The following CEP170 variants were observed in gnomAD, a reference collection of about 807,000 sequenced individuals.
CEP170 encodes centrosomal protein 170.
CEP170 carries 21 observed loss-of-function variants against 151.9 expected under a neutral mutation model. The ratio of observed to expected loss-of-function variants is 0.14; its 90% CI spans 0.10 to 0.20. The LOEUF (loss-of-function observed/expected upper bound fraction) is 0.20, where lower values mean the gene tolerates loss of function less well. Among genes scored for constraint, CEP170 ranks in the 10% least tolerant of loss-of-function variants. The pLI is 1.00. For missense variants in CEP170, 964 were observed against 1,892.9 expected, an observed-to-expected ratio of 0.51 and a Z score of 9.11; for synonymous variants, 356 against 648.8, an observed-to-expected ratio of 0.55 and a Z score of 6.86.
chr1:243,178,512 G>A (rs1410820741), intron 10 of CEP170, among the ~76,000 whole-genome samples: 1 of 152,012 alleles, frequency 6.6e-6, no homozygotes, highest in Non-Finnish European at 1.5e-5. Flanking sequence ...GGCTGGGAGA[G>A]GAAGGAATGG....
At chr1:243,212,660 A>T (rs2061915613) in intron 3 of CEP170, among the ~76,000 whole-genome samples, 1 of 149,648 alleles carries the variant, frequency 6.7e-6, no homozygotes. Flanking sequence ...AAATATTGTA[A>T]GCCACATTTA....
chr1:243,143,366 T>C (rs977977491), intron 14 of CEP170, among the ~76,000 whole-genome samples: 3 of 152,092 alleles, frequency 2.0e-5, no homozygotes, highest in Non-Finnish European at 4.4e-5. Context: ...CCTTTAGATG[T>C]AGCTAAGGCA....
chr1:243,226,195 CTAGATAT>C (rs1558646725), intron 1 of CEP170, among the ~76,000 whole-genome samples: 88 of 136,812 alleles, frequency 6.4e-4, no homozygotes, highest in African/African-American at 2.3e-3. Flanking sequence ...ATATATATAT[CTAGATAT>C]ATATATATCT....
chr1:243,152,062 C>T (rs575034256), intron 14 of CEP170, among the ~76,000 whole-genome samples: 87 of 152,252 alleles, frequency 5.7e-4, no homozygotes, highest in African/African-American at 1.9e-3. Flanking sequence ...ACTGTAGAGA[C>T]ATACTGCTCA....
chr1:243,154,498 C>G (rs2057384160), intron 14 of CEP170, among the ~76,000 whole-genome samples: 1 of 152,130 alleles, frequency 6.6e-6, no homozygotes, highest in African/African-American at 2.4e-5. Flanking sequence ...CCTTTTTTCT[C>G]CACATAAAAC....
intron 3 of CEP170, among the ~76,000 whole-genome samples, chr1:243,218,966 TAAAGTTCTAG>T (rs918193151): frequency 1.3e-5 from 2 of 152,188 alleles, no homozygotes; most frequent in African/African-American, 4.8e-5. Flanking sequence ...ACCTGATACT[TAAAGTTCTAG>T]AATAATATGG....
chr1:243,249,528 A>G (rs2065742612), intron 1 of CEP170, among the ~76,000 whole-genome samples: 1 of 152,224 alleles, frequency 6.6e-6, no homozygotes, highest in Non-Finnish European at 1.5e-5. Context: ...GTAACTCAGC[A>G]GATAAGATGT....
chr1:243,191,616 A>C (rs1407692424), intron 7 of CEP170, 122 bp from the exon 8 acceptor site: 10 of 625,418 alleles, frequency 1.6e-5, no homozygotes, highest in Non-Finnish European at 2.8e-5. Flanking sequence ...TCTGGATGAA[A>C]ACCAATGGCA....
At chr1:243,236,606 G>A (rs1002299026) in intron 1 of CEP170, among the ~76,000 whole-genome samples, 17 of 152,144 alleles carry the variant, frequency 1.1e-4, no homozygotes, top group Non-Finnish European at 8.8e-5. Context: ...CTAGAGAAAC[G>A]AGGGAAATTT....
chr1:243,242,100 C>A (rs1339834002), intron 1 of CEP170, among the ~76,000 whole-genome samples: 1 of 152,112 alleles, frequency 6.6e-6, no homozygotes, highest in Non-Finnish European at 1.5e-5. Context: ...GTTGTCAAAA[C>A]AGCATTCTTT....
At chr1:243,209,111 G>C (rs531976363) in intron 4 of CEP170, among the ~76,000 whole-genome samples, 1 of 152,308 alleles carries the variant, frequency 6.6e-6, no homozygotes, top group Non-Finnish European at 1.5e-5. Context: ...TTACAAAAAA[G>C]ACTTATGTTG....
rs1340416968 is a variant in CEP170 at position 243,126,451 on chromosome 1, A to G, written c.4753T>C (p.Ter1585ArgextTer6). The change falls in exon 20 of 20, where the codon TGA (stop) becomes CGA (arginine). Residue 1585 changes from the stop codon to arginine (R), a stop_lost. Coordinates refer to ENST00000366542, the MANE Select transcript of CEP170 (RefSeq NM_014812.3). ...GEEEDVTVQE[*>R] ...ATTTTTCAACAATCAAGAGAAAGTCATTCTTGTACTGTAACATCTTCCTCT... is the reference window on the plus strand; with the variant it reads ...ATTTTTCAACAATCAAGAGAAAGTCGTTCTTGTACTGTAACATCTTCCTCT... The G allele has an allele frequency of 6.2e-7, 1 of 1,604,050 alleles. No homozygotes were observed. The highest frequency in any genetic ancestry group is 8.5e-7 in the Non-Finnish European group (1 of 1,173,942).
upstream of CEP170, among the ~76,000 whole-genome samples, chr1:243,255,778 TG>T (rs1057240316): frequency 6.6e-6 from 1 of 152,164 alleles, no homozygotes; most frequent in African/African-American, 2.4e-5. Context: ...TCCAGGCAGC[TG>T]AAGAGTGGGA....
chr1:243,249,443 A>T (rs1417508360), intron 1 of CEP170, among the ~76,000 whole-genome samples: 1 of 143,496 alleles, frequency 7.0e-6, no homozygotes, highest in Non-Finnish European at 1.5e-5. Context: ...ATAAATAAAT[A>T]AATAAATAAA....
At chr1:243,206,222 C>T (rs965837902) in intron 4 of CEP170, among the ~76,000 whole-genome samples, 3 of 152,186 alleles carry the variant, frequency 2.0e-5, no homozygotes, top group African/African-American at 7.2e-5. Context: ...CAACCTCCGC[C>T]TTCTGGGTTC....
chr1:243,147,264 C>T (rs1278501363), intron 14 of CEP170, among the ~76,000 whole-genome samples: 3 of 152,156 alleles, frequency 2.0e-5, no homozygotes, highest in Admixed American at 6.5e-5. Flanking sequence ...CTGGTTTTGG[C>T]CCATTATTCA....
chr1:243,130,941 T>C (rs1464088139), intron 17 of CEP170, among the ~76,000 whole-genome samples: 1 of 152,018 alleles, frequency 6.6e-6, no homozygotes, highest in East Asian at 1.9e-4. Flanking sequence ...TTAGGACTGA[T>C]GGAAAATAAG....
intron 8 of CEP170, among the ~76,000 whole-genome samples, chr1:243,186,756 T>C (rs1413435854): frequency 7.9e-5 from 12 of 152,202 alleles, no homozygotes; most frequent in Admixed American, 6.5e-4. Context: ...TAATTCTGCC[T>C]TCAAATTATA....
intron 17 of CEP170, among the ~76,000 whole-genome samples, chr1:243,133,287 C>A (rs2148211301): frequency 6.6e-6 from 1 of 152,312 alleles, no homozygotes; most frequent in East Asian, 1.9e-4. Context: ...GCCTTCTACA[C>A]TCAAATGTGA....
Sources: gnomAD v4.1 joint callset for allele counts (sites outside exome capture counted in the v4.1 genomes callset) on GRCh38, gnomAD v4.1.1 for gene constraint, MANE v1.5 for transcripts, NCBI Gene and HGNC (gene_info 2026-07-23, HGNC 2026-07-21) for gene names.